Variants in RABGAP1L observed in about 807,000 individuals in gnomAD.
RABGAP1L encodes the protein RAB GTPase activating protein 1 like, also known as rab GTPase-activating protein 1-like.
In RABGAP1L, 63 loss-of-function variants were observed where a neutral mutation model predicts 137.7. That is an observed-to-expected ratio of 0.46 (90% CI 0.37 to 0.56). RABGAP1L has a LOEUF of 0.56. RABGAP1L is among the 20% of genes least tolerant of loss of function. The probability of loss-of-function intolerance (pLI) is 0.00; values close to 1 mark genes in which losing one functional copy is unlikely to be tolerated. For synonymous variants in RABGAP1L, 431 were observed against 433.7 expected (o/e 0.99, Z 0.08); for missense variants, 1,095 against 1,244.0 (o/e 0.88, Z 1.80).
chr1:174,408,473 G>T (rs1353332329), intron 13 of RABGAP1L, among the ~76,000 whole-genome samples: 1 of 152,150 alleles, frequency 6.6e-6, no homozygotes. Context: ...CTGTTGATGG[G>T]CACTTGTGTT....
At chr1:174,498,430 A>G (rs1022531942) in intron 13 of RABGAP1L, among the ~76,000 whole-genome samples, 31 of 152,188 alleles carry the variant, frequency 2.0e-4, no homozygotes, top group African/African-American at 7.0e-4. Flanking sequence ...AACCAGGTCT[A>G]TTGAACTTAT....
rs1382869271 is a variant in RABGAP1L, at chr1:174,564,841, A to G, written c.1711-72534A>G. 3.3e-5 allele frequency among the ~76,000 whole-genome samples: 5 copies of G among 152,190 alleles called. No individual in the cohort carries two copies. The East Asian group carries it at 5.8e-4, about 18-fold the overall frequency. On this transcript the variant is annotated intron_variant, in intron 13 of 25. Transcript: ENST00000681986. ...TGGATAGGAAAATTGTTTTAAAAGT[A>G]GTATACCTGAATAAGGTGGGCCACC...
chr1:174,485,531 G>A (rs1659543720), intron 13 of RABGAP1L, among the ~76,000 whole-genome samples: 1 of 152,120 alleles, frequency 6.6e-6, no homozygotes, highest in South Asian at 2.1e-4. Flanking sequence ...CCAGTTTTTG[G>A]AGGGTTTTTA....
At chr1:174,558,160 A>C (rs1215877052) in intron 13 of RABGAP1L, among the ~76,000 whole-genome samples, 1 of 152,176 alleles carries the variant, frequency 6.6e-6, no homozygotes, top group African/African-American at 2.4e-5. Context: ...GTTCATCCGT[A>C]TTACTCTTTG....
At chr1:174,666,363 G>C (rs1203821280) in intron 14 of RABGAP1L, among the ~76,000 whole-genome samples, 1 of 152,218 alleles carries the variant, frequency 6.6e-6, no homozygotes, top group East Asian at 1.9e-4. Flanking sequence ...AAGGAGGTCT[G>C]TGTTAGTGTT....
chr1:174,305,549 CTT>C (rs914973647), intron 11 of RABGAP1L, among the ~76,000 whole-genome samples: 2 of 151,324 alleles, frequency 1.3e-5, no homozygotes, highest in African/African-American at 4.8e-5. Context: ...TGCTTGGCTA[CTT>C]TTTTTTGTAT....
chr1:174,219,107 T>A lies in RABGAP1L; in HGVS notation c.-33-18T>A, dbSNP rs1333735959. On this transcript the variant is annotated intron_variant, in intron 1 of 25. Transcript: ENST00000681986. Reference sequence around the variant, plus strand: ...TTAATCAGTAGGTTTTTTTTTTTAATCCCTTTTGTTTTTCCAGGTGGTTGT... The same window carrying A: ...TTAATCAGTAGGTTTTTTTTTTTAAACCCTTTTGTTTTTCCAGGTGGTTGT... 2.7e-6 allele frequency: 4 copies of A among 1,493,462 alleles called. No homozygotes were observed. The highest frequency in any genetic ancestry group is 3.6e-6 in the Non-Finnish European group (4 of 1,104,088). The allele number at this position is 1,493,462 out of a possible 1,614,324, so 92.5% of individuals were successfully genotyped here. A position where few individuals can be genotyped will look rare whatever the true frequency, so the allele number is the denominator to read the frequency against.
chr1:174,853,778 C>T (rs1648794606), intron 19 of RABGAP1L, among the ~76,000 whole-genome samples: 1 of 152,096 alleles, frequency 6.6e-6, no homozygotes, highest in Admixed American at 6.5e-5. Context: ...GTTCCAAAGC[C>T]CAAACCTGGC....
intron 13 of RABGAP1L, among the ~76,000 whole-genome samples, chr1:174,491,134 A>T (rs1660185740): frequency 6.6e-6 from 1 of 151,892 alleles, no homozygotes; most frequent in Non-Finnish European, 1.5e-5. Context: ...TTCTTCGAGT[A>T]GATGGAGTCT....
At chr1:174,307,672 GAAT>G (rs1434941726) in intron 11 of RABGAP1L, among the ~76,000 whole-genome samples, 1 of 152,072 alleles carries the variant, frequency 6.6e-6, no homozygotes, top group Non-Finnish European at 1.5e-5. Flanking sequence ...TTTTATGACT[GAAT>G]AATAATTGTT....
At chr1:174,512,438 T>C (rs911601474) in intron 13 of RABGAP1L, among the ~76,000 whole-genome samples, 38 of 152,216 alleles carry the variant, frequency 2.5e-4, no homozygotes, top group Admixed American at 9.8e-4. Context: ...TTTTAGCCTG[T>C]TTTACTTCAA....
intron 20 of RABGAP1L, chr1:174,957,798 AT>A: frequency 9.7e-7 from 1 of 1,029,632 alleles, no homozygotes; most frequent in Non-Finnish European, 1.4e-6. Flanking sequence ...TCCTTGATTG[AT>A]TTAGATGCTC....
At chr1:174,178,463 C>T (rs1024686611) in intron 1 of RABGAP1L, among the ~76,000 whole-genome samples, 1 of 152,060 alleles carries the variant, frequency 6.6e-6, no homozygotes, top group African/African-American at 2.4e-5. Flanking sequence ...ACCATTTGAC[C>T]CAGCAATCTC....
intron 18 of RABGAP1L, among the ~76,000 whole-genome samples, chr1:174,791,396 A>G (rs1687851489): frequency 6.6e-6 from 1 of 152,220 alleles, no homozygotes; most frequent in South Asian, 2.1e-4. Context: ...TTAATAGGGA[A>G]TTGGAGATGG....
At chr1:174,942,061 G>A (rs769877117) in intron 19 of RABGAP1L, among the ~76,000 whole-genome samples, 14 of 152,134 alleles carry the variant, frequency 9.2e-5, no homozygotes, top group Non-Finnish European at 1.8e-4. Flanking sequence ...AGGGACACTG[G>A]GAGCCAATGT....
At chr1:174,882,490 G>T (rs1291713161) in intron 19 of RABGAP1L, among the ~76,000 whole-genome samples, 3 of 152,078 alleles carry the variant, frequency 2.0e-5, no homozygotes, top group East Asian at 3.9e-4. Flanking sequence ...ACCTGCTGTT[G>T]CCACATGTTA....
At chr1:174,964,752 G>A in intron 20 of RABGAP1L, 4 of 1,285,816 alleles carry the variant, frequency 3.1e-6, no homozygotes, top group Non-Finnish European at 4.0e-6. Flanking sequence ...GTTGAGACTT[G>A]CCCACTGGCT....
At chr1:174,847,229 T>G (rs1694162385) in intron 19 of RABGAP1L, among the ~76,000 whole-genome samples, 1 of 151,628 alleles carries the variant, frequency 6.6e-6, no homozygotes, top group Non-Finnish European at 1.5e-5. Context: ...CCATTTACAT[T>G]TAAAGTTAAT....
chr1:174,341,178 AG>A (rs1045172830), intron 11 of RABGAP1L, among the ~76,000 whole-genome samples: 8 of 152,010 alleles, frequency 5.3e-5, no homozygotes, highest in African/African-American at 1.9e-4. Flanking sequence ...ATGGATAGAT[AG>A]TTCTTTCTTA....
Sources: allele counts gnomAD v4.1 joint callset (sites outside exome capture counted in the v4.1 genomes callset), GRCh38; gene constraint gnomAD v4.1.1; transcripts MANE v1.5; gene names NCBI Gene and HGNC (gene_info 2026-07-23, HGNC 2026-07-21).